Variants in SYT6 observed in about 807,000 individuals in gnomAD.
The protein encoded by SYT6 is synaptotagmin 6.
SYT6 carries 24 observed loss-of-function variants against 38.4 expected under a neutral mutation model. That is an observed-to-expected ratio of 0.62 (90% CI 0.45 to 0.88). SYT6 has a LOEUF of 0.88. Ranked by LOEUF, SYT6 falls within the 40% of genes least tolerant of loss-of-function variation. SYT6 has a pLI of 0.00. For synonymous variants in SYT6, 265 were observed against 241.9 expected, an observed-to-expected ratio of 1.10 and a Z score of -0.89; for missense variants, 611 against 621.0, an observed-to-expected ratio of 0.98 and a Z score of 0.17.
At chr1:114,105,054 T>A (rs1676204172) in intron 3 of SYT6, among the ~76,000 whole-genome samples, 1 of 151,992 alleles carries the variant, frequency 6.6e-6, no homozygotes, top group Non-Finnish European at 1.5e-5. Flanking sequence ...AGCTTACATT[T>A]TATTAGGGCA....
chr1:114,096,741 T>C (rs1487030352), intron 6 of SYT6, among the ~76,000 whole-genome samples: 1 of 152,212 alleles, frequency 6.6e-6, no homozygotes, highest in Non-Finnish European at 1.5e-5. Flanking sequence ...CGAGGGGCCA[T>C]GCAGTGAAAG....
chr1:114,094,498 G>A (rs1675513898), intron 6 of SYT6, among the ~76,000 whole-genome samples: 1 of 152,218 alleles, frequency 6.6e-6, no homozygotes, highest in Admixed American at 6.5e-5. Flanking sequence ...GAGAGGGAAG[G>A]GGGCTGGTGC....
At chr1:114,110,378 T>G (rs773985723) in intron 3 of SYT6, among the ~76,000 whole-genome samples, 5 of 152,164 alleles carry the variant, frequency 3.3e-5, no homozygotes, top group Admixed American at 6.5e-5. Context: ...GCCAGGGACC[T>G]GACCAAGGGT....
chr1:114,118,222 G>A (rs936043798), intron 3 of SYT6, among the ~76,000 whole-genome samples: 2 of 152,232 alleles, frequency 1.3e-5, no homozygotes, highest in African/African-American at 2.4e-5. Context: ...CCAGGAGCAC[G>A]ATGATAAAGC....
intron 7 of SYT6, among the ~76,000 whole-genome samples, chr1:114,092,743 G>A (rs1055066076): frequency 7.9e-5 from 12 of 152,154 alleles, no homozygotes; most frequent in Non-Finnish European, 1.8e-4. Context: ...GTGATGTAAT[G>A]AGGCGTAATG....
At position 114,097,840 on chromosome 1, in the gene SYT6, C is replaced by A. The variant is rs1370445205; in HGVS notation, c.1402G>T (p.Gly468Trp). The A allele has an allele frequency of 1.2e-6, 2 of 1,614,218 alleles. No homozygotes were observed. The highest frequency in any genetic ancestry group is 8.5e-7 in the Non-Finnish European group (1 of 1,180,052). ...HNEIIGVCRVGITAEGLGRDH... is the reference protein window; with the variant it reads ...HNEIIGVCRVWITAEGLGRDH... ...CTGCCCAGGCCTTCAGCAGTGATCC[C>A]CACACGACAGACTCCTATGATCTCA... Residue 468 changes from glycine (G) to tryptophan (W), a missense_variant, in exon 6 of 8, where the codon GGG becomes TGG. By Grantham distance (184) the Gly-to-Trp change is radical. Transcript: ENST00000610222.
chr1:114,099,254 T>C lies in SYT6; in HGVS notation c.1204A>G (p.Lys402Glu). Residue 402 changes from lysine to glutamate, a missense_variant, in exon 5 of 8, where the codon AAA becomes GAA. Physicochemically the swap from Lys to Glu is moderately conservative, Grantham distance 56. Coordinates refer to ENST00000610222, the MANE Select transcript of SYT6 (RefSeq NM_001253772.2). ...DITGYSDPYV[K>E]VSLLCDGRRL... ...CGCCCATCACAGAGCAAGGACACTT[T>C]CACATAGGGATCTGTGCCAATGGGG... 1 of 1,612,684 alleles carries C rather than the reference T, an allele frequency of 6.2e-7. No individual in the cohort carries two copies. The highest frequency in any genetic ancestry group is 8.5e-7 in the Non-Finnish European group (1 of 1,179,210).
rs1346470395 is a variant in SYT6, at chr1:114,099,163, A to G, written c.1295T>C (p.Ile432Thr). ...GTTTTCCGGGGGAATGTCAAAGATGATGGCCTCATTGTAGACAGGATTGAG... is the reference window on the plus strand; with the variant it reads ...GTTTTCCGGGGGAATGTCAAAGATGGTGGCCTCATTGTAGACAGGATTGAG... Reference protein sequence around the residue: ...NTLNPVYNEAIIFDIPPENMD... With the variant: ...NTLNPVYNEATIFDIPPENMD... The change falls in exon 5 of 8, where the codon ATC becomes ACC. Residue 432 changes from isoleucine to threonine, a missense_variant. Coordinates refer to ENST00000610222, the MANE Select transcript of SYT6 (RefSeq NM_001253772.2). 1 of 1,614,162 alleles carries G rather than the reference A, an allele frequency of 6.2e-7. No homozygotes were observed. The highest frequency in any genetic ancestry group is 8.5e-7 in the Non-Finnish European group (1 of 1,180,012).
intron 1 of SYT6, among the ~76,000 whole-genome samples, chr1:114,140,988 T>A (rs1362500003): frequency 6.6e-6 from 1 of 152,202 alleles, no homozygotes; most frequent in Non-Finnish European, 1.5e-5. Flanking sequence ...AATTGATAAA[T>A]GTTGTGTGTG....
intron 3 of SYT6, among the ~76,000 whole-genome samples, chr1:114,124,848 G>A (rs1350293364): frequency 7.9e-5 from 12 of 152,158 alleles, no homozygotes; most frequent in South Asian, 6.2e-4. Context: ...GTGGACTGCC[G>A]CTCACTGGCC....
At chr1:114,101,297 G>C (rs1675954868) in intron 4 of SYT6, among the ~76,000 whole-genome samples, 1 of 152,070 alleles carries the variant, frequency 6.6e-6, no homozygotes, top group African/African-American at 2.4e-5. Context: ...GGCTTTTCTG[G>C]GGCAAAAGTC....
chr1:114,143,583 T>C (rs1678993780), intron 1 of SYT6, among the ~76,000 whole-genome samples: 1 of 150,248 alleles, frequency 6.7e-6, no homozygotes, highest in African/African-American at 2.5e-5. Flanking sequence ...TGTATATATA[T>C]ATAACTTTTA....
At chr1:114,095,603 G>A (rs1452925857) in intron 6 of SYT6, among the ~76,000 whole-genome samples, 1 of 152,182 alleles carries the variant, frequency 6.6e-6, no homozygotes, top group Non-Finnish European at 1.5e-5. Flanking sequence ...AAGATGGGAA[G>A]GGCTTATCCC....
At chr1:114,130,395 G>C (rs138466708) in intron 3 of SYT6, among the ~76,000 whole-genome samples, 13 of 152,312 alleles carry the variant, frequency 8.5e-5, no homozygotes, top group African/African-American at 3.1e-4. Flanking sequence ...TAATTCCCGA[G>C]TGATTCCTCC....
At chr1:114,113,964 G>C (rs1676843481) in intron 3 of SYT6, among the ~76,000 whole-genome samples, 1 of 152,158 alleles carries the variant, frequency 6.6e-6, no homozygotes, top group Admixed American at 6.5e-5. Context: ...CCGTGCCAGG[G>C]CTCTCCTCAC....
intron 3 of SYT6, among the ~76,000 whole-genome samples, chr1:114,116,891 G>A (rs1330170212): frequency 6.6e-6 from 1 of 152,172 alleles, no homozygotes; most frequent in African/African-American, 2.4e-5. Flanking sequence ...TGCCTTCTAA[G>A]ACTGTATCAG....
In SYT6 at chr1:114,103,725, C is replaced by A. The variant is rs1557734944; in HGVS notation, c.1072-4G>T. 6.2e-7 allele frequency: 1 copy of A among 1,612,636 alleles called. No homozygotes were observed. Among genetic ancestry groups the A allele is most frequent in the South Asian group, 1.1e-5 (1 of 90,660 alleles). On this transcript the variant is annotated splice_region_variant and splice_polypyrimidine_tract_variant and intron_variant, in intron 3 of 7. Coordinates refer to ENST00000610222, the MANE Select transcript of SYT6 (RefSeq NM_001253772.2). ...TCTCTCCCAAGTCCACGCTTTCCTGCAAAGAAGCACACAAGAGGGCAGATG... is the reference window on the plus strand; with the variant it reads ...TCTCTCCCAAGTCCACGCTTTCCTGAAAAGAAGCACACAAGAGGGCAGATG...
intron 3 of SYT6, among the ~76,000 whole-genome samples, chr1:114,111,473 C>T (rs1365702065): frequency 6.6e-6 from 1 of 152,212 alleles, no homozygotes; most frequent in Non-Finnish European, 1.5e-5. Context: ...ATGACACCTC[C>T]TCACTAAATG....
intron 6 of SYT6, 92 bp downstream of exon 6, chr1:114,097,635 A>G: frequency 2.6e-6 from 4 of 1,513,484 alleles, no homozygotes; most frequent in East Asian, 2.3e-5. Flanking sequence ...ACCTTTCCAC[A>G]AAAGGCCGAG....
Sources: allele counts gnomAD v4.1 joint callset (sites outside exome capture counted in the v4.1 genomes callset), GRCh38; gene constraint gnomAD v4.1.1; transcripts MANE v1.5; gene names NCBI Gene and HGNC (gene_info 2026-07-23, HGNC 2026-07-21).